GRAMD1C: variants seen among roughly 807,000 people sequenced by gnomAD.
GRAMD1C encodes GRAM domain containing 1C, also known as protein Aster-C.
Under a neutral mutation model 97.8 loss-of-function variants are expected in GRAMD1C, and 89 were observed. The observed-to-expected ratio is 0.91, with a 90% CI of 0.77 to 1.09. The LOEUF is 1.09. Among genes scored for constraint, GRAMD1C ranks in the 50% least tolerant of loss-of-function variants. The pLI is 0.00. For missense variants in GRAMD1C, 740 were observed against 766.4 expected (o/e 0.97, Z 0.41); for synonymous variants, 256 against 267.0 (o/e 0.96, Z 0.40).
rs1577231316 is a variant in GRAMD1C at position 113,941,906 on chromosome 3, A to G, written c.1908+1561A>G. ...AGTGTTGGGATTAAAGGCATGAGCCACCGTGCCCGGCCATCTTTTTTTTTT... is the reference window on the plus strand; with the variant it reads ...AGTGTTGGGATTAAAGGCATGAGCCGCCGTGCCCGGCCATCTTTTTTTTTT... On this transcript the variant is annotated intron_variant, in intron 17 of 17. Coordinates refer to ENST00000358160, the MANE Select transcript of GRAMD1C (RefSeq NM_017577.5). 2.0e-5 allele frequency among the ~76,000 whole-genome samples: 3 copies of G among 149,008 alleles called. No individual in the cohort carries two copies. In the South Asian group the frequency reaches 6.3e-4, roughly 31 times the overall value.
chr3:113,887,824 T>A (rs1935574451), intron 6 of GRAMD1C, among the ~76,000 whole-genome samples: 1 of 151,730 alleles, frequency 6.6e-6, no homozygotes, highest in Non-Finnish European at 1.5e-5. Context: ...ACTACTAACC[T>A]TATAAAAATA....
intron 2 of GRAMD1C, among the ~76,000 whole-genome samples, chr3:113,860,352 C>G (rs1204784606): frequency 1.3e-5 from 2 of 151,968 alleles, no homozygotes; most frequent in Non-Finnish European, 2.9e-5. Context: ...ATACTGAAAA[C>G]AATAAAACTT....
At chr3:113,879,592 A>C (rs147114128) in intron 5 of GRAMD1C, among the ~76,000 whole-genome samples, 3 of 145,084 alleles carry the variant, frequency 2.1e-5, no homozygotes, top group East Asian at 4.0e-4. Context: ...TACTTTTTTC[A>C]CCCCATTCTT....
chr3:113,930,734 A>G lies in GRAMD1C; in HGVS notation c.1111A>G (p.Thr371Ala). 6.3e-7 allele frequency: 1 copy of G among 1,597,534 alleles called. No homozygotes were observed. The highest frequency in any genetic ancestry group is 8.6e-7 in the Non-Finnish European group (1 of 1,164,790). ...NIIDVVSTPW[T>A]AELGGDQLRT... ...GTTAGATGTAGTATCTACCCCTTGG[A>G]CTGCAGAACTTGGAGGTGATCAGCT... Residue 371 changes from threonine to alanine, a missense_variant, in exon 11 of 18, where the codon ACT becomes GCT. Transcript: ENST00000358160.
intron 10 of GRAMD1C, among the ~76,000 whole-genome samples, chr3:113,924,214 A>G (rs1937158751): frequency 6.6e-6 from 1 of 151,542 alleles, no homozygotes. Context: ...TTTATTCTTC[A>G]AAGAGCCAAC....
intron 2 of GRAMD1C, among the ~76,000 whole-genome samples, chr3:113,848,607 C>A (rs72952680): frequency 0.025 from 3,778 of 151,716 alleles, 171 homozygotes; most frequent in African/African-American, 0.087. Flanking sequence ...GAGTTTGAGA[C>A]CAACCTGAGC....
intron 14 of GRAMD1C, 145 bp from the exon 15 acceptor site, chr3:113,937,941 G>C: frequency 1.9e-6 from 1 of 522,002 alleles, no homozygotes; most frequent in Non-Finnish European, 3.3e-6. Flanking sequence ...GGAGGCAGAG[G>C]TTGCGGTGAG....
intron 2 of GRAMD1C, among the ~76,000 whole-genome samples, chr3:113,849,031 C>A (rs1344199308): frequency 6.6e-6 from 1 of 152,052 alleles, no homozygotes; most frequent in Admixed American, 6.6e-5. Flanking sequence ...GACTTACTTT[C>A]TTCTTGGCTA....
At chr3:113,864,281 T>TTTTTG (rs1934503304) in intron 2 of GRAMD1C, among the ~76,000 whole-genome samples, 1 of 152,014 alleles carries the variant, frequency 6.6e-6, no homozygotes, top group Admixed American at 6.6e-5. Context: ...GCTCGGCTAA[T>TTTTTG]TTTTGTATTT....
intron 11 of GRAMD1C, among the ~76,000 whole-genome samples, chr3:113,931,997 C>T (rs1166854200): frequency 1.3e-5 from 2 of 152,246 alleles, no homozygotes; most frequent in East Asian, 1.9e-4. Context: ...AGAATTGTTT[C>T]AAGAGTTAGG....
chr3:113,857,200 C>G (rs558050266), intron 2 of GRAMD1C, among the ~76,000 whole-genome samples: 1 of 152,018 alleles, frequency 6.6e-6, no homozygotes, highest in South Asian at 2.1e-4. Context: ...CCCAAAAACT[C>G]AGTTGCACTG....
In GRAMD1C at chr3:113,945,623, A is replaced by G. The variant is rs1938035142; in HGVS notation, c.*145A>G. 1.8e-6 allele frequency: 1 copy of G among 569,230 alleles called. No individual in the cohort carries two copies. Among genetic ancestry groups the G allele is most frequent in the South Asian group, 2.4e-5 (1 of 41,304 alleles). 35.3% of individuals were successfully genotyped at this position (569,230 alleles called of 1,614,324 possible). A position where few individuals can be genotyped will look rare whatever the true frequency, so the allele number is the denominator to read the frequency against. On this transcript the variant is annotated 3_prime_UTR_variant, in exon 18 of 18. Coordinates refer to ENST00000358160, the MANE Select transcript of GRAMD1C (RefSeq NM_017577.5). ...TCTAATATGAACATTTCTTTCAGTA[A>G]CATTTATTTGATAATTAGTTTCTGC...
chr3:113,885,357 C>CT (rs748864171), intron 6 of GRAMD1C: 10 of 1,594,410 alleles, frequency 6.3e-6, no homozygotes, highest in Non-Finnish European at 8.6e-6. Context: ...CTGCCAAGCT[C>CT]TGGAGCTTCT....
At chr3:113,885,977 C>T (rs935359822) in intron 6 of GRAMD1C, 14 of 1,555,630 alleles carry the variant, frequency 9.0e-6, no homozygotes, top group Non-Finnish European at 1.1e-5. Context: ...TCAGGTTCAC[C>T]GCTGACGTTC....
chr3:113,856,937 T>C (rs1362557112), intron 2 of GRAMD1C, among the ~76,000 whole-genome samples: 1 of 151,594 alleles, frequency 6.6e-6, no homozygotes, highest in Non-Finnish European at 1.5e-5. Context: ...TCTCCTGTGC[T>C]CAGAGATCCT....
In GRAMD1C at chr3:113,871,015, A is replaced by ACACG. The variant is rs1553717895; in HGVS notation, c.259+1427_259+1428insGCAC. Among the ~76,000 whole-genome samples, 130 of 25,132 alleles carry ACACG rather than the reference A, an allele frequency of 5.2e-3. 1 individual carries two copies. The highest frequency in any genetic ancestry group is 0.024 in the South Asian group (20 of 818). The allele number at this position is 25,132 out of a possible 152,430, so 16.5% of individuals were successfully genotyped here. ...CACACACACACACACACACACACAC[A>ACACG]CACACACAGAGGAATATTAAGTACT... On this transcript the variant is annotated intron_variant, in intron 3 of 17. Transcript: ENST00000358160.
intron 6 of GRAMD1C, among the ~76,000 whole-genome samples, chr3:113,895,639 T>C (rs968038148): frequency 2.6e-5 from 4 of 152,226 alleles, no homozygotes; most frequent in Non-Finnish European, 5.9e-5. Flanking sequence ...TAACTATTTG[T>C]CACGTTTGCT....
chr3:113,828,481 A>T (rs1339643588), intron 1 of GRAMD1C, among the ~76,000 whole-genome samples: 1 of 152,210 alleles, frequency 6.6e-6, no homozygotes, highest in Non-Finnish European at 1.5e-5. Flanking sequence ...GTGATTTGTC[A>T]TGCAACTATA....
Position 113,930,740 on chromosome 3 carries a change from G to C in GRAMD1C, c.1117G>C (p.Glu373Gln). 1 of 1,607,858 alleles carries C rather than the reference G, an allele frequency of 6.2e-7. No homozygotes were observed. The highest frequency in any genetic ancestry group is 8.5e-7 in the Non-Finnish European group (1 of 1,174,240). ...TGTAGTATCTACCCCTTGGACTGCA[G>C]AACTTGGAGGTGATCAGCTGAGAAC... ...IDVVSTPWTA[E>Q]LGGDQLRTMT... Residue 373 changes from glutamate (E) to glutamine (Q), a missense_variant, in exon 11 of 18, where the codon GAA becomes CAA. Physicochemically the swap from Glu to Gln is conservative, Grantham distance 29. Coordinates refer to ENST00000358160, the MANE Select transcript of GRAMD1C (RefSeq NM_017577.5).
Sources: allele counts gnomAD v4.1 joint callset (sites outside exome capture counted in the v4.1 genomes callset), GRCh38; gene constraint gnomAD v4.1.1; transcripts MANE v1.5; gene names NCBI Gene and HGNC (gene_info 2026-07-23, HGNC 2026-07-21).